The following LINC00632 variants were observed in gnomAD, a reference collection of about 807,000 sequenced individuals.
The protein encoded by LINC00632 is long independently transcribed non-coding RNA 632.
chrX:140,717,030 G>A (rs1477389565), intron 2 of LINC00632, among the ~76,000 whole-genome samples: 2 of 110,081 alleles, frequency 1.8e-5, no homozygotes, highest in Non-Finnish European at 3.8e-5. Context: ...TGTTGCCCAG[G>A]CTGGAGTGCA....
chrX:140,713,841 C>A (rs1421605655), intron 2 of LINC00632: 5 of 307,244 alleles, frequency 1.6e-5, no homozygotes, highest in Non-Finnish European at 3.2e-5. Flanking sequence ...CTTGCCCCCC[C>A]ATAAGGACTC....
At chrX:140,738,203 A>G (rs1475207899) in intron 3 of LINC00632, among the ~76,000 whole-genome samples, 3 of 111,725 alleles carry the variant, frequency 2.7e-5, no homozygotes, top group Non-Finnish European at 5.6e-5. Flanking sequence ...GCATGTGGGA[A>G]AAAATGGTGT....
chrX:140,788,679 G>C (rs1199040041), exon 5 of LINC00632, among the ~76,000 whole-genome samples: 1 of 107,936 alleles, frequency 9.3e-6, no homozygotes, highest in African/African-American at 3.3e-5. Flanking sequence ...ACATAACAGG[G>C]AGTGAAAAGA....
intron 2 of LINC00632, among the ~76,000 whole-genome samples, chrX:140,730,627 G>A (rs963488940): frequency 9.0e-6 from 1 of 110,693 alleles, no homozygotes; most frequent in Admixed American, 9.7e-5. Context: ...AATCCACAAC[G>A]CACATGCTCA....
At chrX:140,781,525 G>A (rs1931933159) in exon 5 of LINC00632, among the ~76,000 whole-genome samples, 1 of 111,322 alleles carries the variant, frequency 9.0e-6, no homozygotes, top group Non-Finnish European at 1.9e-5. Flanking sequence ...ATTGCCTAGA[G>A]ATCTAAATTC....
intron 2 of LINC00632, among the ~76,000 whole-genome samples, chrX:140,712,590 G>A (rs939398251): frequency 9.1e-6 from 1 of 109,846 alleles, no homozygotes; most frequent in African/African-American, 3.3e-5. Context: ...AAGGAGCTAG[G>A]GTGAGTCCTA....
intron 3 of LINC00632, among the ~76,000 whole-genome samples, chrX:140,745,991 C>T (rs1158096827): frequency 8.9e-6 from 1 of 112,070 alleles, no homozygotes; most frequent in Admixed American, 9.5e-5. Flanking sequence ...ATGAATGACA[C>T]TGCCTGCAAA....
At chrX:140,723,308 TACACACAGACACACATTCCATACAC>T (rs1349418120) in intron 2 of LINC00632, among the ~76,000 whole-genome samples, 7 of 79,632 alleles carry the variant, frequency 8.8e-5, no homozygotes. Flanking sequence ...ACACATTCCA[TACACACAGACACACATTCCATACAC>T]ACAGACACAT....
At chrX:140,759,328 CCTTCCTTCCTTCCTTCCTTTCTTTCTTT>C (rs1931558095) in intron 3 of LINC00632, among the ~76,000 whole-genome samples, 1 of 74,236 alleles carries the variant, frequency 1.3e-5, no homozygotes, top group Non-Finnish European at 2.7e-5. Flanking sequence ...TTCCTTCCTT[CCTTCCTTCCTTCCTTCCTTTCTTTCTTT>C]CTTTCTTTCT....
exon 5 of LINC00632, chrX:140,783,274 G>C: frequency 3.3e-6 from 1 of 301,066 alleles, no homozygotes; most frequent in Non-Finnish European, 5.9e-6. Context: ...ATAATCCTGA[G>C]CTTCCAGAAA....
intron 2 of LINC00632, among the ~76,000 whole-genome samples, chrX:140,726,966 C>G (rs1383869764): frequency 9.0e-6 from 1 of 111,475 alleles, no homozygotes; most frequent in Admixed American, 9.6e-5. Context: ...CAGACTTGCC[C>G]CACTCTGTAT....
intron 3 of LINC00632, among the ~76,000 whole-genome samples, chrX:140,760,097 C>T (rs974529261): frequency 8.9e-6 from 1 of 111,758 alleles, no homozygotes; most frequent in African/African-American, 3.3e-5. Context: ...GTAACAGCAT[C>T]CTGGGATAAG....
At chrX:140,777,415 T>C (rs1014648470) in exon 5 of LINC00632, among the ~76,000 whole-genome samples, 1 of 112,642 alleles carries the variant, frequency 8.9e-6, no homozygotes, top group Non-Finnish European at 1.9e-5. Flanking sequence ...GCTGTGGATC[T>C]AGGATTCGCC....
chrX:140,738,617 G>A (rs78640058), intron 3 of LINC00632, among the ~76,000 whole-genome samples: 3 of 112,198 alleles, frequency 2.7e-5, no homozygotes, highest in African/African-American at 9.7e-5. Flanking sequence ...CATTTAAAAT[G>A]TGGCTAGTAC....
At chrX:140,737,386 A>G (rs1320810743) in intron 3 of LINC00632, among the ~76,000 whole-genome samples, 1 of 111,610 alleles carries the variant, frequency 9.0e-6, no homozygotes, top group East Asian at 2.8e-4. Flanking sequence ...ATTTTGTTAC[A>G]TGCCTAGAAT....
chrX:140,710,119 C>T (rs1461801851), intron 1 of LINC00632, among the ~76,000 whole-genome samples: 1 of 112,032 alleles, frequency 8.9e-6, no homozygotes, highest in East Asian at 2.8e-4. Flanking sequence ...CAGAATTGTA[C>T]CTCAGCTTTA....
chrX:140,756,682 C>A (rs752620310), intron 3 of LINC00632, among the ~76,000 whole-genome samples: 1 of 112,216 alleles, frequency 8.9e-6, no homozygotes, highest in South Asian at 3.7e-4. Flanking sequence ...AAAACATATG[C>A]ATTCACAATG....
intron 2 of LINC00632, among the ~76,000 whole-genome samples, chrX:140,723,752 A>G (rs1930814374): frequency 1.2e-3 from 1 of 831 alleles, no homozygotes; most frequent in African/African-American, 3.1e-3. Flanking sequence ...CACATTCCAT[A>G]CACACACATA....
At chrX:140,769,716 C>T (rs140494275) in intron 3 of LINC00632, among the ~76,000 whole-genome samples, 19 of 110,919 alleles carry the variant, frequency 1.7e-4, no homozygotes, top group Admixed American at 6.8e-4. Context: ...CCACTTCAGC[C>T]GTCCTTTGTT....
Sources: gnomAD v4.1 joint callset for allele counts (sites outside exome capture counted in the v4.1 genomes callset) on GRCh38, gnomAD v4.1.1 for gene constraint, MANE v1.5 for transcripts, NCBI Gene and HGNC (gene_info 2026-07-23, HGNC 2026-07-21) for gene names.